Variants in HIVEP2 observed in about 807,000 individuals in gnomAD.
The protein encoded by HIVEP2 is transcription factor HIVEP2.
Under a neutral mutation model 180.7 loss-of-function variants are expected in HIVEP2, and 14 were observed. The observed-to-expected ratio is 0.08, with a 90% CI of 0.05 to 0.12. The LOEUF (loss-of-function observed/expected upper bound fraction) is 0.12, where lower values mean the gene tolerates loss of function less well. Among genes scored for constraint, HIVEP2 ranks in the 10% least tolerant of loss-of-function variants. The probability of loss-of-function intolerance (pLI) is 1.00; values close to 1 mark genes in which losing one functional copy is unlikely to be tolerated. For missense variants in HIVEP2, 2,579 were observed against 3,008.5 expected (o/e 0.86, Z 3.34); for synonymous variants, 1,184 against 1,136.4 (o/e 1.04, Z -0.84).
chr6:142,940,600 T>C (rs1778152158), intron 1 of HIVEP2, among the ~76,000 whole-genome samples: 1 of 152,230 alleles, frequency 6.6e-6, no homozygotes, highest in African/African-American at 2.4e-5. Context: ...TGCATTACCT[T>C]TCTCTTATCA....
At chr6:142,866,339 A>G (rs916402315) in intron 1 of HIVEP2, among the ~76,000 whole-genome samples, 1 of 152,210 alleles carries the variant, frequency 6.6e-6, no homozygotes, top group South Asian at 2.1e-4. Flanking sequence ...TAAGTGCTCA[A>G]TAGATGTTAG....
chr6:142,889,076 A>G (rs1776786460), intron 1 of HIVEP2, among the ~76,000 whole-genome samples: 1 of 152,158 alleles, frequency 6.6e-6, no homozygotes, highest in Non-Finnish European at 1.5e-5. Context: ...AAGGTCAGAG[A>G]CTATGTTATA....
chr6:142,771,918 G>A lies in HIVEP2; in HGVS notation c.2821C>T (p.Arg941Cys). The change falls in exon 5 of 10, where the codon CGT (arginine) becomes TGT (cysteine). Residue 941 changes from arginine to cysteine, a missense_variant. Physicochemically the swap from Arg to Cys is radical, Grantham distance 180 (BLOSUM62 -3). Transcript: ENST00000367603. The surrounding 1 kb of genome is among the most constrained non-coding windows in gnomAD (Gnocchi z 5.4). ...PAEKLPPKKK[R>C]LRLADMEHSS... Reference sequence around the variant, plus strand: ...TGCTCCATATCTGCAAGTCGCAGACGCTTCTTTTTGGGTGGCAACTTCTCC... The same window carrying A: ...TGCTCCATATCTGCAAGTCGCAGACACTTCTTTTTGGGTGGCAACTTCTCC... The A allele has an allele frequency of 6.2e-7, 1 of 1,614,184 alleles. No homozygotes were observed. The highest frequency in any genetic ancestry group is 8.5e-7 in the Non-Finnish European group (1 of 1,180,016).
intron 1 of HIVEP2, among the ~76,000 whole-genome samples, chr6:142,933,283 A>G (rs1777982557): frequency 6.6e-6 from 1 of 152,232 alleles, no homozygotes; most frequent in South Asian, 2.1e-4. Flanking sequence ...TGATGTATAC[A>G]ACTGTGTGGC....
chr6:142,857,342 T>C (rs754611671), intron 1 of HIVEP2, among the ~76,000 whole-genome samples: 3 of 152,210 alleles, frequency 2.0e-5, no homozygotes, highest in Non-Finnish European at 4.4e-5. Context: ...ATCTAAGTCA[T>C]TCACAACTCC....
intron 7 of HIVEP2, among the ~76,000 whole-genome samples, chr6:142,761,890 A>T (rs928585416): frequency 3.9e-5 from 6 of 152,168 alleles, no homozygotes; most frequent in Admixed American, 6.5e-5. Flanking sequence ...GGGACCTCAT[A>T]TCTACCCAAA....
intron 1 of HIVEP2, among the ~76,000 whole-genome samples, chr6:142,881,450 C>T (rs1329344800): frequency 6.6e-6 from 1 of 152,152 alleles, no homozygotes; most frequent in Non-Finnish European, 1.5e-5. Flanking sequence ...AGATTTGAGA[C>T]ACAGTAAGAA....
At chr6:142,917,024 T>C (rs1777569880) in intron 1 of HIVEP2, among the ~76,000 whole-genome samples, 1 of 152,214 alleles carries the variant, frequency 6.6e-6, no homozygotes, top group African/African-American at 2.4e-5. Flanking sequence ...TTACTGTATG[T>C]TAACTATATT....
intron 2 of HIVEP2, among the ~76,000 whole-genome samples, chr6:142,834,582 T>A (rs1289771526): frequency 6.6e-6 from 1 of 152,098 alleles, no homozygotes; most frequent in East Asian, 1.9e-4. Context: ...CACTTTAAAA[T>A]GAATAATGTC....
chr6:142,761,001 T>A (rs1463820278), intron 8 of HIVEP2, among the ~76,000 whole-genome samples: 2 of 152,216 alleles, frequency 1.3e-5, no homozygotes, highest in Non-Finnish European at 2.9e-5. Flanking sequence ...GGCAACAACC[T>A]GTCTCTGCAA....
At chr6:142,841,721 T>G (rs1287407634) in intron 1 of HIVEP2, among the ~76,000 whole-genome samples, 1 of 152,152 alleles carries the variant, frequency 6.6e-6, no homozygotes, top group African/African-American at 2.4e-5. Flanking sequence ...TTCAACATTT[T>G]GTTGTCCCAT....
upstream of HIVEP2, among the ~76,000 whole-genome samples, chr6:142,945,519 C>T (rs1299153184): frequency 2.0e-5 from 3 of 152,106 alleles, no homozygotes; most frequent in South Asian, 2.1e-4. This position sits in a 1 kb window ranked among gnomAD's most constrained non-coding sequence, Gnocchi z 5.5. Flanking sequence ...AGATTCCCGC[C>T]GCTCCGCTCT....
chr6:142,765,781 TAATC>T (rs1331963674), intron 6 of HIVEP2, among the ~76,000 whole-genome samples: 2 of 152,212 alleles, frequency 1.3e-5, no homozygotes, highest in African/African-American at 4.8e-5. Context: ...TTTTCTTTGA[TAATC>T]AAGGGAAGAA....
intron 1 of HIVEP2, among the ~76,000 whole-genome samples, chr6:142,917,706 A>C (rs1398223191): frequency 6.6e-6 from 1 of 152,214 alleles, no homozygotes; most frequent in Admixed American, 6.5e-5. Flanking sequence ...TGAGTATTAG[A>C]CACAGAAATT....
At chr6:142,757,033 T>C (rs197468) in intron 9 of HIVEP2, among the ~76,000 whole-genome samples, 38,692 of 152,088 alleles carry the variant, frequency 0.25, 5,238 homozygotes, top group East Asian at 0.48. Context: ...TATGTGTGCA[T>C]ACATATATAT....
At chr6:142,944,054 A>C (rs1368947575) in intron 1 of HIVEP2, among the ~76,000 whole-genome samples, 1 of 152,194 alleles carries the variant, frequency 6.6e-6, no homozygotes, top group Non-Finnish European at 1.5e-5. Context: ...AGGGAAGACT[A>C]GTGCCTGCAG....
intron 2 of HIVEP2, among the ~76,000 whole-genome samples, chr6:142,827,991 G>C (rs1774959313): frequency 6.6e-6 from 1 of 152,136 alleles, no homozygotes; most frequent in Admixed American, 6.5e-5. Flanking sequence ...TCCTGTGTTT[G>C]CTGTGTTTTC....
At chr6:142,827,479 A>G (rs553115475) in intron 2 of HIVEP2, among the ~76,000 whole-genome samples, 1 of 152,228 alleles carries the variant, frequency 6.6e-6, no homozygotes, top group Non-Finnish European at 1.5e-5. Flanking sequence ...TGGCACATAA[A>G]TATCCTTGAG....
intron 1 of HIVEP2, among the ~76,000 whole-genome samples, chr6:142,909,584 T>C (rs543936327): frequency 1.3e-5 from 2 of 150,810 alleles, no homozygotes; most frequent in Non-Finnish European, 3.0e-5. Context: ...ATATCTAAAA[T>C]GCAAAAAAAC....
Sources: gnomAD v4.1 joint callset for allele counts (sites outside exome capture counted in the v4.1 genomes callset) on GRCh38, gnomAD v4.1.1 for gene constraint, Gnocchi (gnomAD v3.1) non-coding constraint, MANE v1.5 for transcripts, NCBI Gene and HGNC (gene_info 2026-07-23, HGNC 2026-07-21) for gene names.